The following FAM222B variants were observed in gnomAD, a reference collection of about 807,000 sequenced individuals.
FAM222B encodes the protein protein FAM222B.
In FAM222B, 12 loss-of-function variants were observed where a neutral mutation model predicts 38.0. That is an observed-to-expected ratio of 0.32 (90% CI 0.20 to 0.51). The LOEUF (loss-of-function observed/expected upper bound fraction) is 0.51. Among genes scored for constraint, FAM222B ranks in the 20% least tolerant of loss-of-function variants. FAM222B has a pLI of 0.97. For missense variants in FAM222B, 716 were observed against 754.2 expected (o/e 0.95, Z 0.59); for synonymous variants, 329 against 317.2 (o/e 1.04, Z -0.40).
chr17:28,772,761 G>A (rs1259408141), intron 1 of FAM222B, among the ~76,000 whole-genome samples: 8 of 152,078 alleles, frequency 5.3e-5, no homozygotes, highest in South Asian at 2.1e-4. Flanking sequence ...TGGGCATGGC[G>A]GTGGGCACCT....
chr17:28,780,148 T>G (rs966234992), intron 1 of FAM222B, among the ~76,000 whole-genome samples: 2 of 152,042 alleles, frequency 1.3e-5, no homozygotes, highest in Non-Finnish European at 2.9e-5. Context: ...ATTTTTATAT[T>G]TTTAGTAGAG....
chr17:28,808,757 T>C (rs1028229900), intron 1 of FAM222B, among the ~76,000 whole-genome samples: 1 of 152,154 alleles, frequency 6.6e-6, no homozygotes, highest in African/African-American at 2.4e-5. Flanking sequence ...ATCACCCACA[T>C]CTCCATATGA....
At chr17:28,762,220 G>A (rs2035109295) in intron 2 of FAM222B, 1 of 152,118 alleles carries the variant, frequency 6.6e-6, no homozygotes, top group Non-Finnish European at 1.5e-5. Flanking sequence ...GGCTACAGTA[G>A]CTTTGTTAAG....
chr17:28,819,333 A>C (rs1325720863), intron 1 of FAM222B, among the ~76,000 whole-genome samples: 1 of 152,220 alleles, frequency 6.6e-6, no homozygotes, highest in African/African-American at 2.4e-5. Flanking sequence ...GAGGAAGACA[A>C]ATAACCAAAG....
rs542189138 is a variant in FAM222B, at chr17:28,783,787, A to G, written c.-40-17080T>C. ...CGGCCTCCCAAACTGCTAGGATTAT[A>G]GGTATGAGCCACTGCGCCCAGACTT... On this transcript the variant is annotated intron_variant, in intron 1 of 2. Coordinates refer to ENST00000581407, the MANE Select transcript of FAM222B (RefSeq NM_001077498.3). Among the ~76,000 whole-genome samples, 8 of 151,186 alleles carry G rather than the reference A, an allele frequency of 5.3e-5. No individual in the cohort carries two copies. In the South Asian group the frequency reaches 1.5e-3, roughly 28 times the overall value.
chr17:28,826,105 T>C (rs1362268919), intron 1 of FAM222B, among the ~76,000 whole-genome samples: 1 of 151,290 alleles, frequency 6.6e-6, no homozygotes, highest in Non-Finnish European at 1.5e-5. Flanking sequence ...AGTCTTGCTC[T>C]GTAGCCCAGG....
At chr17:28,821,789 C>T (rs1387314160) in intron 1 of FAM222B, among the ~76,000 whole-genome samples, 7 of 151,858 alleles carry the variant, frequency 4.6e-5, no homozygotes, top group Admixed American at 3.9e-4. Context: ...TGGTGAAACC[C>T]CATCTCTACT....
intron 1 of FAM222B, among the ~76,000 whole-genome samples, chr17:28,783,383 C>A (rs957310018): frequency 2.6e-5 from 4 of 152,120 alleles, no homozygotes; most frequent in Admixed American, 1.3e-4. Flanking sequence ...AAAGGCACTA[C>A]ACAGAAGTGG....
intron 1 of FAM222B, chr17:28,849,090 T>C (rs2039164631): frequency 6.6e-6 from 1 of 151,870 alleles, no homozygotes; most frequent in East Asian, 2.0e-4. Flanking sequence ...TGAAATCTCG[T>C]CTCCACTAAA....
At chr17:28,805,931 C>T (rs918832863) in intron 1 of FAM222B, among the ~76,000 whole-genome samples, 2 of 152,044 alleles carry the variant, frequency 1.3e-5, no homozygotes, top group African/African-American at 2.4e-5. Context: ...CACCTGAGGT[C>T]GGGAGTTCGA....
At chr17:28,791,356 G>A (rs1019738334) in intron 1 of FAM222B, among the ~76,000 whole-genome samples, 1 of 152,014 alleles carries the variant, frequency 6.6e-6, no homozygotes, top group African/African-American at 2.4e-5. Context: ...TGCCACTGGG[G>A]TTCTTGCCAC....
In FAM222B at chr17:28,759,308, C is replaced by T. The variant is rs764425929; in HGVS notation, c.651G>A (p.Gln217=). 2 of 1,611,982 alleles carry T rather than the reference C, an allele frequency of 1.2e-6. No individual in the cohort carries two copies. The highest frequency in any genetic ancestry group is 1.7e-6 in the Non-Finnish European group (2 of 1,179,178). The stretch of plus-strand genomic sequence containing the variant: ...AGGGATTGTGGGGGTGCTGGAGACC[C>T]TGGTGAGCCAGGGCCTGAGGGTGGA... ...GLVHPQALAH[Q]GLQHPHNPLL... Residue 217 remains glutamine (Q), a synonymous_variant, in exon 3 of 3, where the codon CAG becomes CAA. Transcript: ENST00000581407. This position sits in a 1 kb window ranked among gnomAD's most constrained non-coding sequence, Gnocchi z 4.8.
At chr17:28,794,031 A>G (rs771722296) in intron 1 of FAM222B, among the ~76,000 whole-genome samples, 4 of 151,808 alleles carry the variant, frequency 2.6e-5, no homozygotes, top group Non-Finnish European at 5.9e-5. Context: ...TTACAGGCGT[A>G]AGCCACGGCT....
At chr17:28,789,090 A>C (rs2036549032) in intron 1 of FAM222B, among the ~76,000 whole-genome samples, 1 of 151,012 alleles carries the variant, frequency 6.6e-6, no homozygotes, top group Admixed American at 6.6e-5. Flanking sequence ...AAAAAAAAAA[A>C]AAAAAAAAAA....
At chr17:28,772,881 C>T (rs982594584) in intron 1 of FAM222B, among the ~76,000 whole-genome samples, 5 of 152,000 alleles carry the variant, frequency 3.3e-5, no homozygotes, top group African/African-American at 9.7e-5. Flanking sequence ...GGCGACAGAG[C>T]GAGACTCTGT....
At chr17:28,801,731 A>C (rs1227773133) in intron 1 of FAM222B, among the ~76,000 whole-genome samples, 1 of 152,084 alleles carries the variant, frequency 6.6e-6, no homozygotes, top group Admixed American at 6.6e-5. Flanking sequence ...ATTTAGGATG[A>C]GCTGTCTTCA....
intron 1 of FAM222B, among the ~76,000 whole-genome samples, chr17:28,851,797 C>G (rs927774284): frequency 1.3e-5 from 2 of 151,264 alleles, no homozygotes; most frequent in Non-Finnish European, 2.9e-5. Context: ...ATCACTTGAA[C>G]CAGGGAGGTG....
At chr17:28,837,221 G>A (rs1019907417) in intron 1 of FAM222B, among the ~76,000 whole-genome samples, 1 of 152,054 alleles carries the variant, frequency 6.6e-6, no homozygotes, top group East Asian at 1.9e-4. Flanking sequence ...ACGAGGTCAG[G>A]AGATCGAGAC....
At chr17:28,836,033 G>C (rs747135981) in intron 1 of FAM222B, among the ~76,000 whole-genome samples, 1 of 150,480 alleles carries the variant, frequency 6.6e-6, no homozygotes, top group African/African-American at 2.4e-5. Context: ...GTTGTTGCCC[G>C]GGCTGGAGTG....
Sources: gnomAD v4.1 joint callset for allele counts (sites outside exome capture counted in the v4.1 genomes callset) on GRCh38, gnomAD v4.1.1 for gene constraint, Gnocchi (gnomAD v3.1) non-coding constraint, MANE v1.5 for transcripts, NCBI Gene and HGNC (gene_info 2026-07-23, HGNC 2026-07-21) for gene names.